SLC22A13: variants seen among roughly 807,000 people sequenced by gnomAD.
SLC22A13 encodes organic anion transporter 10.
SLC22A13 carries 42 observed loss-of-function variants against 49.1 expected under a neutral mutation model. The observed-to-expected ratio is 0.85, with a 90% CI of 0.67 to 1.11. The LOEUF is 1.11. Among genes scored for constraint, SLC22A13 ranks in the 50% least tolerant of loss-of-function variants. The pLI is 0.00. For missense variants in SLC22A13, 694 were observed against 712.8 expected (o/e 0.97, Z 0.30); for synonymous variants, 282 against 293.1 (o/e 0.96, Z 0.39).
rs2079454872 is a variant in SLC22A13 at position 38,274,309 on chromosome 3, C to A, written c.416C>A (p.Thr139Asn). ...TGTGATCGGAAGCACCTGAAGGACA[C>A]CACACAGTCAGTGTTCATGGCTGGG... is the stretch of plus-strand genomic sequence containing the variant. Reference protein sequence around the residue: ...LVCDRKHLKDTTQSVFMAGLL... With the variant: ...LVCDRKHLKDNTQSVFMAGLL... Residue 139 changes from threonine to asparagine, a missense_variant, in exon 2 of 10, where the codon ACC (threonine) becomes AAC (asparagine). Physicochemically the swap from Thr to Asn is moderately conservative, Grantham distance 65. Coordinates refer to ENST00000311856, the MANE Select transcript of SLC22A13 (RefSeq NM_004256.4). 6.2e-7 allele frequency: 1 copy of A among 1,614,170 alleles called. No homozygotes were observed. Among genetic ancestry groups the A allele is most frequent in the Non-Finnish European group, 8.5e-7 (1 of 1,179,996 alleles).
At chr3:38,275,263 A>C (rs1030085000) in intron 4 of SLC22A13, 106 bp downstream of exon 4, 4 of 1,591,536 alleles carry the variant, frequency 2.5e-6, no homozygotes, top group Non-Finnish European at 3.4e-6. Flanking sequence ...TGAGTCTGGG[A>C]GAGGGAGCCT....
In SLC22A13 at chr3:38,274,204, G is replaced by A. The variant is rs567080911; in HGVS notation, c.379-68G>A. ...GCTCCTGCCCTGAAGGGTTTGTAGT[G>A]GGACAGGTGGTGTAGGGCTTGCCCT... On this transcript the variant is annotated intron_variant, in intron 1 of 9. Coordinates refer to ENST00000311856, the MANE Select transcript of SLC22A13 (RefSeq NM_004256.4). 2.0e-4 allele frequency: 231 copies of A among 1,159,278 alleles called. 1 individual carries two copies. Among genetic ancestry groups the A allele is most frequent in the Middle Eastern group, 1.5e-3 (8 of 5,200 alleles). 71.8% of individuals were successfully genotyped at this position (1,159,278 alleles called of 1,614,324 possible). A position where few individuals can be genotyped will look rare whatever the true frequency, so the allele number is the denominator to read the frequency against.
At position 38,266,358 on chromosome 3, in the gene SLC22A13, G is replaced by A. The variant is rs1349218702; in HGVS notation, c.378+120G>A. The A allele has an allele frequency of 1.3e-5, 15 of 1,165,676 alleles. 1 individual carries two copies. Among genetic ancestry groups the A allele is most frequent in the Non-Finnish European group, 1.8e-5 (15 of 818,654 alleles). The allele number at this position is 1,165,676 out of a possible 1,614,324, so 72.2% of individuals were successfully genotyped here. A position where few individuals can be genotyped will look rare whatever the true frequency, so the allele number is the denominator to read the frequency against. On this transcript the variant is annotated intron_variant, in intron 1 of 9. Coordinates refer to ENST00000311856, the MANE Select transcript of SLC22A13 (RefSeq NM_004256.4). ...CCCATGCCCATATGGTCAACCATGG[G>A]CACATATGTTTTTCATTTTGTCAAT...
chr3:38,275,666 G>A lies in SLC22A13; in HGVS notation c.1016G>A (p.Cys339Tyr), dbSNP rs371502599. The A allele has an allele frequency of 6.2e-7, 1 of 1,613,890 alleles. No individual in the cohort carries two copies. The highest frequency in any genetic ancestry group is 8.5e-7 in the Non-Finnish European group (1 of 1,179,940). The stretch of plus-strand genomic sequence containing the variant: ...CGGAAGGTGACCCTGATTATCTTCT[G>A]TGTCTGGTGAGTGCCCAGAACCCGA... ...QLRKVTLIIF[C>Y]VWFVDSLGYY... Residue 339 changes from cysteine (C) to tyrosine (Y), a missense_variant, in exon 6 of 10, where the codon TGT becomes TAT. Cys to Tyr is a radical substitution (Grantham distance 194). Transcript: ENST00000311856.
intron 1 of SLC22A13, chr3:38,270,341 C>T (rs934578703): frequency 4.3e-5 from 9 of 210,486 alleles, no homozygotes; most frequent in South Asian, 8.7e-5. Context: ...CCTTCCAGTC[C>T]GAGGCCAGTC....
At chr3:38,268,588 ACTTCT>A (rs1217967356) in intron 1 of SLC22A13, among the ~76,000 whole-genome samples, 4 of 152,332 alleles carry the variant, frequency 2.6e-5, no homozygotes, top group Middle Eastern at 3.4e-3. Flanking sequence ...GAAGGTGCAT[ACTTCT>A]CTTCATCTGT....
chr3:38,271,662 A>C (rs1186739950), intron 1 of SLC22A13, among the ~76,000 whole-genome samples: 1 of 152,078 alleles, frequency 6.6e-6, no homozygotes, highest in Non-Finnish European at 1.5e-5. Flanking sequence ...CGACCAAAGA[A>C]GTAGGAATAG....
At position 38,275,497 on chromosome 3, in the gene SLC22A13, C is replaced by G; in HGVS notation, c.927+7C>G. On this transcript the variant is annotated splice_region_variant and intron_variant, in intron 5 of 9. Coordinates refer to ENST00000311856, the MANE Select transcript of SLC22A13 (RefSeq NM_004256.4). Reference sequence around the variant, plus strand: ...CCCGGAGCTCATGAACCAGGTACTTCCAGCAGGCCCAGGCCCAGGCCCAGA... The same window carrying G: ...CCCGGAGCTCATGAACCAGGTACTTGCAGCAGGCCCAGGCCCAGGCCCAGA... 1 of 1,614,210 alleles carries G rather than the reference C, an allele frequency of 6.2e-7. No individual in the cohort carries two copies. The highest frequency in any genetic ancestry group is 8.5e-7 in the Non-Finnish European group (1 of 1,180,028).
In SLC22A13 at chr3:38,277,411, CAAGGGA is replaced by C. The variant is rs1559538685; in HGVS notation, c.1604_1609del (p.Lys535_Gly536del). 6.2e-7 allele frequency: 1 copy of C among 1,614,108 alleles called. No homozygotes were observed. Among genetic ancestry groups the C allele is most frequent in the Non-Finnish European group, 8.5e-7 (1 of 1,179,966 alleles). ...TGCCCTCAGAGAAGGAAACAGAGGCCAAGGGAAGAACTTCCAGCCCGGGAGTGGCCT... is the reference window on the plus strand; with the variant it reads ...TGCCCTCAGAGAAGGAAACAGAGGCCAGAACTTCCAGCCCGGGAGTGGCCT... On this transcript the variant is annotated inframe_deletion, in exon 10 of 10. Coordinates refer to ENST00000311856, the MANE Select transcript of SLC22A13 (RefSeq NM_004256.4).
chr3:38,274,501 G>C, intron 2 of SLC22A13, 103 bp from the exon 3 acceptor site: 1 of 1,471,128 alleles, frequency 6.8e-7, no homozygotes, highest in Non-Finnish European at 9.4e-7. Context: ...CCTCAAATGG[G>C]GCTCAGACAG....
In SLC22A13 at chr3:38,265,956, T is replaced by TC. The variant is rs762275571; in HGVS notation, c.99dup (p.Phe34LeufsTer13). ...TGCTGTGTGTTCTCAACTTCCTGTC[T>TC]CCCTTCTACTTTTTTGCCCATGTCT... On this transcript the variant is annotated frameshift_variant, in exon 1 of 10. Transcript: ENST00000311856. LOFTEE classifies it high-confidence loss of function. The TC allele has an allele frequency of 1.8e-4, 291 of 1,614,032 alleles. No individual in the cohort carries two copies. The highest frequency in any genetic ancestry group is 9.9e-4 in the Middle Eastern group (6 of 6,084).
Position 38,266,090 on chromosome 3 carries a change from C to T in SLC22A13, c.230C>T (p.Ala77Val), listed in dbSNP as rs35346548. 1.2e-3 allele frequency: 1,874 copies of T among 1,614,158 alleles called. 19 individuals carry two copies. In the African/African-American group the frequency reaches 0.021, roughly 18 times the overall value. Residue 77 changes from alanine (A) to valine (V), a missense_variant, in exon 1 of 10, where the codon GCA (alanine) becomes GTA (valine). By Grantham distance (64) the Ala-to-Val change is moderately conservative. Coordinates refer to ENST00000311856, the MANE Select transcript of SLC22A13 (RefSeq NM_004256.4). ...GTACTGAGCGTGCCCCTGGACACTG[C>T]AGGTCACCCAGAGCCCTGCCTCATG... ...QLVLSVPLDTAGHPEPCLMFR... is the reference protein window; with the variant it reads ...QLVLSVPLDTVGHPEPCLMFR...
At position 38,266,133 on chromosome 3, in the gene SLC22A13, C is replaced by T; in HGVS notation, c.273C>T (p.Ala91=). The T allele has an allele frequency of 1.2e-6, 2 of 1,614,204 alleles. No individual in the cohort carries two copies. Among genetic ancestry groups the T allele is most frequent in the Non-Finnish European group, 1.7e-6 (2 of 1,180,038 alleles). Residue 91 remains alanine, a synonymous_variant, in exon 1 of 10, where the codon GCC becomes GCT. Coordinates refer to ENST00000311856, the MANE Select transcript of SLC22A13 (RefSeq NM_004256.4). ...EPCLMFRPPP[A]NASLQDILSH... ...GCCTCATGTTCCGGCCACCCCCCGC[C>T]AATGCCAGCCTGCAGGACATCCTCA...
chr3:38,275,886 G>T lies in SLC22A13; in HGVS notation c.1027G>T (p.Val343Leu), dbSNP rs1051649650. 1.2e-6 allele frequency: 2 copies of T among 1,613,894 alleles called. No individual in the cohort carries two copies. Among genetic ancestry groups the T allele is most frequent in the African/African-American group, 1.3e-5 (1 of 74,938 alleles). ...VTLIIFCVWF[V>L]DSLGYYGLSL... ...GAACCCTTCATTACCTTGTAGGTTT[G>T]TGGACAGTCTGGGGTACTACGGCCT... The change falls in exon 7 of 10, where the codon GTG (valine) becomes TTG (leucine). Residue 343 changes from valine to leucine, a missense_variant. Transcript: ENST00000311856.
intron 4 of SLC22A13, 79 bp from the exon 5 acceptor site, chr3:38,275,291 G>A: frequency 6.3e-7 from 1 of 1,597,486 alleles, no homozygotes; most frequent in Non-Finnish European, 8.6e-7. Flanking sequence ...CTGGGTGTGG[G>A]GTTCAGTTTG....
chr3:38,273,144 C>G (rs893666231), intron 1 of SLC22A13, among the ~76,000 whole-genome samples: 2 of 152,184 alleles, frequency 1.3e-5, no homozygotes, highest in East Asian at 1.9e-4. Flanking sequence ...GTGTGTGGAA[C>G]TGGGCTGTGT....
Position 38,275,974 on chromosome 3 carries a change from T to C in SLC22A13, c.1115T>C (p.Val372Ala), listed in dbSNP as rs756581577. 3.7e-6 allele frequency: 6 copies of C among 1,614,176 alleles called. No individual in the cohort carries two copies. In the Admixed American group the frequency reaches 1.0e-4, roughly 27 times the overall value. Residue 372 changes from valine (V) to alanine (A), a missense_variant, in exon 7 of 10, where the codon GTT becomes GCT. Transcript: ENST00000311856. ...CTGACGCAGCTCATCTTTGGAGCTG[T>C]TGAGGTGCCTGCCCGCTGTTCCAGC... Reference protein sequence around the residue: ...VYLTQLIFGAVEVPARCSSIF... With the variant: ...VYLTQLIFGAAEVPARCSSIF...
intron 9 of SLC22A13, 66 bp downstream of exon 9, chr3:38,277,193 C>T: frequency 7.9e-7 from 1 of 1,271,812 alleles, no homozygotes; most frequent in Middle Eastern, 2.1e-4. Context: ...TCTATATGCC[C>T]AGGCCTCCAC....
In SLC22A13 at chr3:38,267,527, A is replaced by C. The variant is rs571636670; in HGVS notation, c.378+1289A>C. Among the ~76,000 whole-genome samples the C allele has an allele frequency of 2.0e-3, 303 of 152,264 alleles. 1 individual carries two copies. Among genetic ancestry groups the C allele is most frequent in the African/African-American group, 7.1e-3 (296 of 41,538 alleles). Reference sequence around the variant, plus strand: ...TCTGCCCACCTGGCCAAATATCATCATTCTCAAAGCCCAGAAAACCTTCCA... The same window carrying C: ...TCTGCCCACCTGGCCAAATATCATCCTTCTCAAAGCCCAGAAAACCTTCCA... On this transcript the variant is annotated intron_variant, in intron 1 of 9. Coordinates refer to ENST00000311856, the MANE Select transcript of SLC22A13 (RefSeq NM_004256.4).
Sources: gnomAD v4.1 joint callset for allele counts (sites outside exome capture counted in the v4.1 genomes callset) on GRCh38, gnomAD v4.1.1 for gene constraint, MANE v1.5 for transcripts, NCBI Gene and HGNC (gene_info 2026-07-23, HGNC 2026-07-21) for gene names.